Variants in FHOD3 observed in about 807,000 individuals in gnomAD.
FHOD3 encodes formin homology 2 domain containing 3, also known as FH1/FH2 domain-containing protein 3.
Under a neutral mutation model 173.0 loss-of-function variants are expected in FHOD3, and 90 were observed. That is an observed-to-expected ratio of 0.52 (90% CI 0.44 to 0.62). The LOEUF is 0.62. Ranked by LOEUF, FHOD3 falls within the 20% of genes least tolerant of loss-of-function variation. FHOD3 has a pLI of 0.00. For synonymous variants in FHOD3, 828 were observed against 823.0 expected (o/e 1.01, Z -0.10); for missense variants, 1,945 against 2,034.7 (o/e 0.96, Z 0.85).
chr18:36,648,578 G>T (rs1482952617), intron 10 of FHOD3, among the ~76,000 whole-genome samples: 1 of 152,078 alleles, frequency 6.6e-6, no homozygotes, highest in East Asian at 1.9e-4. Context: ...AATGGTCGGG[G>T]GGACTGCTTT....
At chr18:36,433,977 G>T (rs970048710) in intron 3 of FHOD3, among the ~76,000 whole-genome samples, 3 of 152,080 alleles carry the variant, frequency 2.0e-5, no homozygotes, top group African/African-American at 4.8e-5. Context: ...AAATTTCCTT[G>T]TACCCCTTCT....
At chr18:36,392,672 T>C (rs1476726333) in intron 3 of FHOD3, among the ~76,000 whole-genome samples, 1 of 152,234 alleles carries the variant, frequency 6.6e-6, no homozygotes, top group Non-Finnish European at 1.5e-5. Flanking sequence ...AAGCAGGGTA[T>C]ATCTCCTGCT....
In FHOD3 at chr18:36,693,413, C is replaced by T. The variant is rs757489521; in HGVS notation, c.2226C>T (p.His742=). ...TVSASSPGTP[H]HPQASAGDPE... is the part of the protein sequence containing the mutation. ...CTGCCTCCTCCCCAGGAACCCCTCA[C>T]CATCCCCAAGGTGAGTACAGGGAGA... Residue 742 remains histidine, a synonymous_variant, in exon 17 of 29, where the codon CAC becomes CAT. Coordinates refer to ENST00000590592, the MANE Select transcript of FHOD3 (RefSeq NM_001281740.3). 10 of 1,613,598 alleles carry T rather than the reference C, an allele frequency of 6.2e-6. No individual in the cohort carries two copies. The highest frequency in any genetic ancestry group is 1.1e-5 in the South Asian group (1 of 90,956).
chr18:36,667,542 G>A (rs1356374763), intron 14 of FHOD3, among the ~76,000 whole-genome samples: 4 of 152,124 alleles, frequency 2.6e-5, no homozygotes, highest in South Asian at 2.1e-4. Context: ...ACCTTGCAGC[G>A]TGTAACTGTA....
chr18:36,529,275 A>G (rs1568387988), intron 5 of FHOD3, among the ~76,000 whole-genome samples: 2 of 152,104 alleles, frequency 1.3e-5, no homozygotes, highest in Admixed American at 1.3e-4. Flanking sequence ...ATAGGGTTTG[A>G]TGGTGATTTT....
chr18:36,555,077 G>T (rs2057820078), intron 5 of FHOD3, among the ~76,000 whole-genome samples: 3 of 151,598 alleles, frequency 2.0e-5, no homozygotes, highest in African/African-American at 7.3e-5. Flanking sequence ...CCCGTATTTT[G>T]TGTACCATGG....
intron 1 of FHOD3, among the ~76,000 whole-genome samples, chr18:36,309,949 T>C (rs574764587): frequency 7.2e-5 from 11 of 152,114 alleles, no homozygotes; most frequent in African/African-American, 2.2e-4. Flanking sequence ...GTCTCAAAGG[T>C]GAGAAAATGA....
intron 18 of FHOD3, among the ~76,000 whole-genome samples, chr18:36,716,895 G>A (rs2040480579): frequency 6.6e-6 from 1 of 150,452 alleles, no homozygotes; most frequent in African/African-American, 2.5e-5. Context: ...TTTTAAGACG[G>A]GGGAAATTAT....
At chr18:36,514,293 G>A (rs1202582794) in intron 5 of FHOD3, among the ~76,000 whole-genome samples, 4 of 152,090 alleles carry the variant, frequency 2.6e-5, no homozygotes, top group African/African-American at 7.2e-5. Flanking sequence ...ACAGGTGTGA[G>A]CCACTGCACC....
At chr18:36,742,289 A>G (rs942549591) in intron 21 of FHOD3, among the ~76,000 whole-genome samples, 3 of 152,244 alleles carry the variant, frequency 2.0e-5, no homozygotes, top group Admixed American at 6.5e-5. Context: ...CCAGGTGGCT[A>G]GCCGTGGAGT....
At chr18:36,610,694 C>G (rs1453312495) in intron 8 of FHOD3, among the ~76,000 whole-genome samples, 2 of 152,136 alleles carry the variant, frequency 1.3e-5, no homozygotes, top group Non-Finnish European at 2.9e-5. Flanking sequence ...ACTGATAGCC[C>G]CAAGATAGAA....
At chr18:36,715,375 G>A (rs369321244) in intron 18 of FHOD3, among the ~76,000 whole-genome samples, 13 of 152,098 alleles carry the variant, frequency 8.5e-5, no homozygotes, top group East Asian at 1.9e-4. Context: ...CCCTTCTGCC[G>A]TGATTGTAAG....
At chr18:36,668,883 T>C (rs1470609395) in intron 14 of FHOD3, among the ~76,000 whole-genome samples, 1 of 152,032 alleles carries the variant, frequency 6.6e-6, no homozygotes, top group Non-Finnish European at 1.5e-5. Flanking sequence ...TTTATTGATA[T>C]TTGTTTTACA....
At chr18:36,664,777 T>TGTGAGAGA (rs1555798228) in intron 14 of FHOD3, among the ~76,000 whole-genome samples, 21 of 129,526 alleles carry the variant, frequency 1.6e-4, no homozygotes, top group Non-Finnish European at 2.6e-4. Context: ...TGTGTGTATG[T>TGTGAGAGA]GAGAGAGAGA....
chr18:36,664,465 T>C (rs2149255892), intron 14 of FHOD3, among the ~76,000 whole-genome samples: 1 of 152,306 alleles, frequency 6.6e-6, no homozygotes, highest in African/African-American at 2.4e-5. Flanking sequence ...TTGATTGCGT[T>C]ACATCCAAAG....
chr18:36,375,823 A>G (rs2047415589), intron 3 of FHOD3, among the ~76,000 whole-genome samples: 1 of 152,152 alleles, frequency 6.6e-6, no homozygotes, highest in Non-Finnish European at 1.5e-5. Flanking sequence ...TGGTATAGAG[A>G]GAGGCCTCAA....
intron 3 of FHOD3, among the ~76,000 whole-genome samples, chr18:36,440,517 C>T (rs1231242760): frequency 6.6e-6 from 1 of 152,250 alleles, no homozygotes; most frequent in African/African-American, 2.4e-5. Flanking sequence ...AATGAAGGGG[C>T]TCCTCCGGGC....
intron 13 of FHOD3, among the ~76,000 whole-genome samples, chr18:36,653,747 A>G (rs1423947296): frequency 6.6e-6 from 1 of 152,202 alleles, no homozygotes; most frequent in African/African-American, 2.4e-5. Context: ...TATTTTGAAC[A>G]ATCAGTCGTC....
intron 1 of FHOD3, among the ~76,000 whole-genome samples, chr18:36,354,945 C>T (rs1438268763): frequency 9.2e-5 from 14 of 152,196 alleles, no homozygotes; most frequent in Non-Finnish European, 8.8e-5. Context: ...AGCAACTGCA[C>T]TCCAGCCTGG....
Sources: gnomAD v4.1 joint callset for allele counts (sites outside exome capture counted in the v4.1 genomes callset) on GRCh38, gnomAD v4.1.1 for gene constraint, MANE v1.5 for transcripts, NCBI Gene and HGNC (gene_info 2026-07-23, HGNC 2026-07-21) for gene names.